Variants in GALNT18 observed in about 807,000 individuals in gnomAD.
The protein encoded by GALNT18 is polypeptide N-acetylgalactosaminyltransferase 18, also known as GalNAc-transferase 18.
Under a neutral mutation model 69.5 loss-of-function variants are expected in GALNT18, and 44 were observed. That is an observed-to-expected ratio of 0.63 (90% CI 0.50 to 0.81). GALNT18 has a LOEUF of 0.81. Ranked by LOEUF, GALNT18 falls within the 40% of genes least tolerant of loss-of-function variation. GALNT18 has a pLI of 0.00. For missense variants in GALNT18, 715 were observed against 810.0 expected, an observed-to-expected ratio of 0.88 and a Z score of 1.42; for synonymous variants, 364 against 318.2, an observed-to-expected ratio of 1.14 and a Z score of -1.53.
In GALNT18 at chr11:11,587,300, G is replaced by A. The variant is rs1859250458; in HGVS notation, c.235+34059C>T. Among the ~76,000 whole-genome samples the A allele has an allele frequency of 6.6e-6, 1 of 152,200 alleles. No individual in the cohort carries two copies. The highest frequency in any genetic ancestry group is 2.1e-4 in the South Asian group (1 of 4,830). ...TTGGAGGCAATTTGAGACTTGGGCT[G>A]AAAGGGGAAGCATTCCACAGAGTTG... On this transcript the variant is annotated intron_variant, in intron 1 of 10. Transcript: ENST00000227756. This position sits in a 1 kb window ranked among gnomAD's most constrained non-coding sequence, Gnocchi z 4.4.
chr11:11,590,020 C>G lies in GALNT18; in HGVS notation c.235+31339G>C, dbSNP rs532998934. Among the ~76,000 whole-genome samples the G allele has an allele frequency of 2.0e-5, 3 of 152,370 alleles. No individual in the cohort carries two copies. The East Asian group carries it at 5.8e-4, about 29-fold the overall frequency. ...CTAGGTCCTACTCCTGGCTCTGCCACTTGCTACCTTTGTGACTTTACCTAG... is the reference window on the plus strand; with the variant it reads ...CTAGGTCCTACTCCTGGCTCTGCCAGTTGCTACCTTTGTGACTTTACCTAG... On this transcript the variant is annotated intron_variant, in intron 1 of 10. Coordinates refer to ENST00000227756, the MANE Select transcript of GALNT18 (RefSeq NM_198516.3). The surrounding 1 kb of genome is among the most constrained non-coding windows in gnomAD (Gnocchi z 4.4).
chr11:11,289,087 G>A (rs4909977), intron 10 of GALNT18, among the ~76,000 whole-genome samples: 27,112 of 152,096 alleles, frequency 0.18, 2,841 homozygotes, highest in Non-Finnish European at 0.24. Context: ...CCTGTTGCAA[G>A]AAAATTAGCC....
intron 9 of GALNT18, among the ~76,000 whole-genome samples, chr11:11,312,816 A>G (rs1849692368): frequency 1.3e-5 from 2 of 152,164 alleles, no homozygotes; most frequent in South Asian, 4.1e-4. Flanking sequence ...CTTTCTTAAC[A>G]TTCATTTAGG....
In GALNT18 at chr11:11,459,885, T is replaced by C. The variant is rs1025415933; in HGVS notation, c.236-10949A>G. 1.3e-5 allele frequency among the ~76,000 whole-genome samples: 2 copies of C among 152,194 alleles called. No homozygotes were observed. Among genetic ancestry groups the C allele is most frequent in the Admixed American group, 1.3e-4 (2 of 15,284 alleles). ...ATCTCACCGGGCTAAAATCAAGGTG[T>C]TGGTAGGGCCATTCTCCTTTCTGGA... On this transcript the variant is annotated intron_variant, in intron 1 of 10. Transcript: ENST00000227756. The surrounding 1 kb of genome is among the most constrained non-coding windows in gnomAD (Gnocchi z 5.0).
rs745913521 is a variant in GALNT18, at chr11:11,271,327, A to G, written c.1678-37T>C. 1.6e-5 allele frequency: 25 copies of G among 1,595,548 alleles called. No individual in the cohort carries two copies. The South Asian group carries it at 2.0e-4, about 13-fold the overall frequency. ...GGCAGACAGTGGGGTCAGAGGGCAT[A>G]GAGGCAACATGCAGAAATTCGGGAG... On this transcript the variant is annotated intron_variant, in intron 10 of 10. Coordinates refer to ENST00000227756, the MANE Select transcript of GALNT18 (RefSeq NM_198516.3).
At chr11:11,510,758 A>G (rs986159825) in intron 1 of GALNT18, among the ~76,000 whole-genome samples, 5 of 152,210 alleles carry the variant, frequency 3.3e-5, no homozygotes, top group African/African-American at 1.2e-4. Flanking sequence ...GATCTTCTCT[A>G]GAAAATGGGA....
At chr11:11,357,337 G>C (rs768616641) in intron 6 of GALNT18, among the ~76,000 whole-genome samples, 2 of 151,992 alleles carry the variant, frequency 1.3e-5, no homozygotes, top group Non-Finnish European at 2.9e-5. Context: ...CCTGCAAGCA[G>C]GCACTAGATT....
At chr11:11,560,403 G>A (rs1858479600) in intron 1 of GALNT18, among the ~76,000 whole-genome samples, 1 of 152,186 alleles carries the variant, frequency 6.6e-6, no homozygotes, top group African/African-American at 2.4e-5. Flanking sequence ...AGAGACACTT[G>A]CTCAAAGCAG....
chr11:11,552,514 G>A (rs1051722869), intron 1 of GALNT18, among the ~76,000 whole-genome samples: 1 of 152,184 alleles, frequency 6.6e-6, no homozygotes, highest in African/African-American at 2.4e-5. Flanking sequence ...ACAGCATATG[G>A]GCAGCATAGT....
intron 1 of GALNT18, among the ~76,000 whole-genome samples, chr11:11,560,199 A>G (rs147321691): frequency 0.037 from 96 of 2,620 alleles, no homozygotes; most frequent in East Asian, 0.062. Context: ...GGGATGGGTG[A>G]GATAGAATAG....
Position 11,614,984 on chromosome 11 carries a change from C to A in GALNT18, c.235+6375G>T, listed in dbSNP as rs989849654. 6.6e-6 allele frequency among the ~76,000 whole-genome samples: 1 copy of A among 152,198 alleles called. No homozygotes were observed. ...TTCTTCATAAAGCTGTGGTTCTGAACTAGTAACAAAGGTAATTAGGCTCAA... is the reference window on the plus strand; with the variant it reads ...TTCTTCATAAAGCTGTGGTTCTGAAATAGTAACAAAGGTAATTAGGCTCAA... On this transcript the variant is annotated intron_variant, in intron 1 of 10. Transcript: ENST00000227756. The surrounding 1 kb of genome is among the most constrained non-coding windows in gnomAD (Gnocchi z 5.6).
intron 10 of GALNT18, among the ~76,000 whole-genome samples, chr11:11,274,216 C>A (rs1396577811): frequency 6.6e-6 from 1 of 152,202 alleles, no homozygotes; most frequent in Non-Finnish European, 1.5e-5. Flanking sequence ...GTCTATACCA[C>A]CATGGTTCTG....
intron 1 of GALNT18, among the ~76,000 whole-genome samples, chr11:11,568,518 G>T (rs1858707127): frequency 6.6e-6 from 1 of 152,154 alleles, no homozygotes; most frequent in Admixed American, 6.5e-5. Context: ...GGGGGAAAAA[G>T]GTAGGTTTAA....
At position 11,564,677 on chromosome 11, in the gene GALNT18, C is replaced by T. The variant is rs1858600301; in HGVS notation, c.235+56682G>A. On this transcript the variant is annotated intron_variant, in intron 1 of 10. Transcript: ENST00000227756. This position sits in a 1 kb window ranked among gnomAD's most constrained non-coding sequence, Gnocchi z 4.3. ...TAATACCAACTTATCTATGAAAACCCTGCTAACCCAAGAAGTATCCAGCCA... is the reference window on the plus strand; with the variant it reads ...TAATACCAACTTATCTATGAAAACCTTGCTAACCCAAGAAGTATCCAGCCA... Among the ~76,000 whole-genome samples, 1 of 152,166 alleles carries T rather than the reference C, an allele frequency of 6.6e-6. No individual in the cohort carries two copies. Among genetic ancestry groups the T allele is most frequent in the Admixed American group, 6.5e-5 (1 of 15,272 alleles).
At chr11:11,366,696 C>T (rs1030312428) in intron 6 of GALNT18, among the ~76,000 whole-genome samples, 1 of 152,160 alleles carries the variant, frequency 6.6e-6, no homozygotes, top group African/African-American at 2.4e-5. Flanking sequence ...ATAGAAGCAG[C>T]AGACAAAGCC....
chr11:11,384,046 A>G (rs1343346034), intron 3 of GALNT18, among the ~76,000 whole-genome samples: 1 of 152,082 alleles, frequency 6.6e-6, no homozygotes, highest in Non-Finnish European at 1.5e-5. Flanking sequence ...CTATTAGTCC[A>G]TTCATGGAGT....
rs550945522 is a variant in GALNT18, at chr11:11,449,734, C to T, written c.236-798G>A. Among the ~76,000 whole-genome samples, 21 of 152,378 alleles carry T rather than the reference C, an allele frequency of 1.4e-4. No homozygotes were observed. In the South Asian group the frequency reaches 1.9e-3, roughly 14 times the overall value. On this transcript the variant is annotated intron_variant, in intron 1 of 10. Coordinates refer to ENST00000227756, the MANE Select transcript of GALNT18 (RefSeq NM_198516.3). ...GTGGATTCCAGTCAGTGCTCCACCA[C>T]GTCCTGGCTACATGACCATAGCACA...
chr11:11,431,580 C>T (rs1368963730), intron 3 of GALNT18, among the ~76,000 whole-genome samples: 1 of 152,192 alleles, frequency 6.6e-6, no homozygotes, highest in African/African-American at 2.4e-5. Context: ...CCCCTTACAG[C>T]ACTGCTCCCA....
intron 1 of GALNT18, among the ~76,000 whole-genome samples, chr11:11,512,712 GGA>G (rs1159464079): frequency 6.6e-6 from 1 of 152,148 alleles, no homozygotes; most frequent in East Asian, 1.9e-4. Context: ...AAGGTGCTAC[GGA>G]GAGTCTGGCG....
Sources: gnomAD v4.1 joint callset for allele counts (sites outside exome capture counted in the v4.1 genomes callset) on GRCh38, gnomAD v4.1.1 for gene constraint, Gnocchi (gnomAD v3.1) non-coding constraint, MANE v1.5 for transcripts, NCBI Gene and HGNC (gene_info 2026-07-23, HGNC 2026-07-21) for gene names.